Variants in SERHL2 observed in about 807,000 individuals in gnomAD.
SERHL2 encodes serine hydrolase-like protein 2.
SERHL2 carries 29 observed loss-of-function variants against 25.5 expected under a neutral mutation model. The ratio of observed to expected loss-of-function variants is 1.14; its 90% CI spans 0.85 to 1.55. SERHL2 has a LOEUF of 1.55. SERHL2 is among the 40% of genes most tolerant of loss of function. The pLI, the probability that SERHL2 is intolerant of heterozygous loss-of-function variation, is 0.00. For synonymous variants in SERHL2, 95 were observed against 103.5 expected (o/e 0.92, Z 0.50); for missense variants, 240 against 252.3 (o/e 0.95, Z 0.33).
At chr22:42,573,670 G>C (rs1340670406) in intron 11 of SERHL2, 4 of 479,754 alleles carry the variant, frequency 8.3e-6, no homozygotes, top group South Asian at 7.9e-5. Flanking sequence ...CCCTGGCCTC[G>C]GCCCCGCCCT....
intron 7 of SERHL2, among the ~76,000 whole-genome samples, chr22:42,559,595 G>A (rs1194060874): frequency 6.6e-6 from 1 of 151,604 alleles, no homozygotes; most frequent in Non-Finnish European, 1.5e-5. Context: ...TATCTATCCA[G>A]AAGAGGCGTT....
At chr22:42,573,078 T>A (rs1359915026) in intron 11 of SERHL2, among the ~76,000 whole-genome samples, 2 of 151,698 alleles carry the variant, frequency 1.3e-5, no homozygotes, top group Non-Finnish European at 2.9e-5. Flanking sequence ...AGGTGGCTTT[T>A]CCCCCAGGTT....
At chr22:42,570,973 G>A in intron 9 of SERHL2, 148 bp from the exon 10 acceptor site, 1 of 1,007,136 alleles carries the variant, frequency 9.9e-7, no homozygotes, top group South Asian at 1.5e-5. Context: ...CTTCGATGAG[G>A]CAGTGATGTG....
intron 11 of SERHL2, chr22:42,573,609 C>G (rs945733978): frequency 6.9e-5 from 20 of 288,642 alleles, no homozygotes; most frequent in Admixed American, 1.8e-4. Flanking sequence ...GTTCACGCCC[C>G]CATCTCATTA....
intron 7 of SERHL2, among the ~76,000 whole-genome samples, chr22:42,559,779 C>CT (rs1394590475): frequency 2.0e-5 from 3 of 151,730 alleles, no homozygotes; most frequent in Non-Finnish European, 4.4e-5. Flanking sequence ...GGTGACCTCC[C>CT]TTTTGCTGCC....
rs749365857 is a variant in SERHL2, at chr22:42,574,038, C to T, written c.928C>T (p.Leu310Phe). The T allele has an allele frequency of 2.5e-6, 4 of 1,612,774 alleles. No homozygotes were observed. Among genetic ancestry groups the T allele is most frequent in the East Asian group, 2.2e-5 (1 of 44,864 alleles). The change falls in exon 12 of 12, where the codon CTC becomes TTC. Residue 310 changes from leucine (L) to phenylalanine (F), a missense_variant. Leu to Phe is a conservative substitution (Grantham distance 22). Coordinates refer to ENST00000327678, the MANE Select transcript of SERHL2 (RefSeq NM_014509.5). ...ISSFLQCTHM[L>F]PAQL Reference sequence around the variant, plus strand: ...CTCCTTCTTACAGTGCACACACATGCTCCCAGCCCAGCTGTAGCTCTGGGC... The same window carrying T: ...CTCCTTCTTACAGTGCACACACATGTTCCCAGCCCAGCTGTAGCTCTGGGC...
At chr22:42,573,198 C>G (rs1357465758) in intron 11 of SERHL2, 1 of 151,254 alleles carries the variant, frequency 6.6e-6, no homozygotes, top group African/African-American at 2.4e-5. Flanking sequence ...TGTGGCTGGC[C>G]GGCTGCCAGG....
At chr22:42,572,636 C>G (rs1314019087) in intron 11 of SERHL2, 107 bp downstream of exon 11, 6 of 1,479,514 alleles carry the variant, frequency 4.1e-6, no homozygotes, top group Non-Finnish European at 3.6e-6. Flanking sequence ...TGCCCCCAGG[C>G]CCAACAAGTG....
At chr22:42,559,080 C>T (rs572685233) in intron 7 of SERHL2, among the ~76,000 whole-genome samples, 4 of 87,238 alleles carry the variant, frequency 4.6e-5, no homozygotes, top group Admixed American at 1.3e-4. Context: ...CACACCCTGC[C>T]GCTGTAAACA....
chr22:42,573,880 G>A lies in SERHL2; in HGVS notation c.826-56G>A, dbSNP rs191208532. On this transcript the variant is annotated intron_variant, in intron 11 of 11. Transcript: ENST00000327678. ...GGAGGGCCCTGACCCCGGGGCCCAT[G>A]GAGCTCCCTAGGCTCCTCTGGCCAC... 13 of 1,567,046 alleles carry A rather than the reference G, an allele frequency of 8.3e-6. No homozygotes were observed. The African/African-American group carries it at 1.6e-4, about 20-fold the overall frequency.
chr22:42,566,516 A>G (rs1387091923), intron 9 of SERHL2, among the ~76,000 whole-genome samples, 178 bp downstream of exon 9: 1 of 151,294 alleles, frequency 6.6e-6, no homozygotes, highest in Non-Finnish European at 1.5e-5. Context: ...AGATAGCACC[A>G]CTGCACTGCA....
At chr22:42,562,251 C>T (rs959633308) in intron 8 of SERHL2, among the ~76,000 whole-genome samples, 1 of 151,832 alleles carries the variant, frequency 6.6e-6, no homozygotes, top group Non-Finnish European at 1.5e-5. Flanking sequence ...AACCCCAGGG[C>T]CCCTGAGAGT....
At chr22:42,569,611 T>G (rs1347030266) in intron 9 of SERHL2, 3 of 152,056 alleles carry the variant, frequency 2.0e-5, no homozygotes, top group East Asian at 1.9e-4. Flanking sequence ...GTTCACCTTG[T>G]GCCCAGGAAG....
chr22:42,563,903 G>A (rs1229711604), intron 8 of SERHL2, among the ~76,000 whole-genome samples: 1 of 151,648 alleles, frequency 6.6e-6, no homozygotes, highest in African/African-American at 2.4e-5. Context: ...GAGAAACCCC[G>A]TCTCTACTAA....
intron 11 of SERHL2, chr22:42,573,225 C>G (rs1242635571): frequency 6.7e-6 from 1 of 149,882 alleles, no homozygotes; most frequent in Non-Finnish European, 1.5e-5. Context: ...CCAAGGCAGG[C>G]AAGGCCTTCC....
At chr22:42,559,207 C>G (rs1168114093) in intron 7 of SERHL2, among the ~76,000 whole-genome samples, 1 of 73,400 alleles carries the variant, frequency 1.4e-5, no homozygotes, top group South Asian at 5.7e-4. Context: ...CCAGCCTGAG[C>G]GAGATAGCGA....
chr22:42,566,829 A>C (rs1175831554), intron 9 of SERHL2, among the ~76,000 whole-genome samples: 1 of 152,268 alleles, frequency 6.6e-6, no homozygotes, highest in Non-Finnish European at 1.5e-5. Flanking sequence ...TCCCATCTGG[A>C]GGCCTGTGTC....
chr22:42,568,016 C>T (rs1218220495), intron 9 of SERHL2, among the ~76,000 whole-genome samples: 3 of 151,666 alleles, frequency 2.0e-5, no homozygotes, highest in Non-Finnish European at 2.9e-5. Context: ...AGGCATGAGC[C>T]ACAGTGTTCG....
chr22:42,561,591 G>A (rs926512644), intron 8 of SERHL2, among the ~76,000 whole-genome samples: 6 of 151,652 alleles, frequency 4.0e-5, no homozygotes, highest in African/African-American at 1.2e-4. Context: ...TAGGCAGCTG[G>A]GCCGGTGCTA....
Sources: allele counts gnomAD v4.1 joint callset (sites outside exome capture counted in the v4.1 genomes callset), GRCh38; gene constraint gnomAD v4.1.1; transcripts MANE v1.5; gene names NCBI Gene and HGNC (gene_info 2026-07-23, HGNC 2026-07-21).